CALN1: variants seen among roughly 807,000 people sequenced by gnomAD.
CALN1 encodes calneuron 1, also known as calcium-binding protein 8.
CALN1 carries 17 observed loss-of-function variants against 30.6 expected under a neutral mutation model. That is an observed-to-expected ratio of 0.56 (90% CI 0.38 to 0.83). The LOEUF (loss-of-function observed/expected upper bound fraction) is 0.83, where lower values mean the gene tolerates loss of function less well. Among genes scored for constraint, CALN1 ranks in the 40% least tolerant of loss-of-function variants. The pLI is 0.00. For missense variants in CALN1, 291 were observed against 354.9 expected (o/e 0.82, Z 1.45); for synonymous variants, 156 against 131.4 (o/e 1.19, Z -1.28).
chr7:72,499,893 CTT>C, the CALN1 span, among the ~76,000 whole-genome samples: 33 of 45,830 alleles, frequency 7.2e-4, no homozygotes, highest in Non-Finnish European at 1.0e-3. Context: ...TTCTTTCTTT[CTT>C]TCTTTCTTTC....
chr7:72,388,472 G>A (rs1379602512), intron 2 of CALN1, among the ~76,000 whole-genome samples: 1 of 152,062 alleles, frequency 6.6e-6, no homozygotes, highest in Admixed American at 6.6e-5. Flanking sequence ...TAAATCATGA[G>A]CCTTAATAAT....
intron 2 of CALN1, among the ~76,000 whole-genome samples, chr7:72,349,644 C>A (rs1200497633): frequency 6.6e-6 from 1 of 152,200 alleles, no homozygotes; most frequent in East Asian, 1.9e-4. Context: ...AACAAAAATA[C>A]TGAGAATTGT....
At chr7:71,998,384 A>T (rs772859904) in intron 5 of CALN1, among the ~76,000 whole-genome samples, 9 of 152,096 alleles carry the variant, frequency 5.9e-5, no homozygotes, top group Non-Finnish European at 1.0e-4. Context: ...TGTGTAAATT[A>T]TATTTAATGA....
chr7:72,374,374 C>G (rs1007331524), intron 2 of CALN1, among the ~76,000 whole-genome samples: 4 of 151,858 alleles, frequency 2.6e-5, no homozygotes, highest in Non-Finnish European at 5.9e-5. Context: ...ACTAAAAATA[C>G]AAAAGTTAAC....
chr7:72,104,735 G>A (rs1227673237), intron 4 of CALN1, among the ~76,000 whole-genome samples: 2 of 152,164 alleles, frequency 1.3e-5, no homozygotes, highest in African/African-American at 2.4e-5. Context: ...GAGGTGGGCA[G>A]ATCACGAGAT....
intron 5 of CALN1, among the ~76,000 whole-genome samples, chr7:71,959,679 T>C (rs947633031): frequency 3.4e-4 from 52 of 151,398 alleles, no homozygotes; most frequent in Non-Finnish European, 7.2e-4. Flanking sequence ...TCAGCAAAGG[T>C]GAGACACGAT....
chr7:71,937,356 G>A (rs1213039419), intron 5 of CALN1, among the ~76,000 whole-genome samples: 2 of 151,738 alleles, frequency 1.3e-5, no homozygotes, highest in Non-Finnish European at 2.9e-5. Context: ...ATTTATATGT[G>A]TGTATATATG....
chr7:71,794,092 T>A (rs537809546), intron 6 of CALN1, among the ~76,000 whole-genome samples: 2 of 152,190 alleles, frequency 1.3e-5, no homozygotes, highest in East Asian at 3.9e-4. Context: ...GCAGATACCA[T>A]GTGTGATGGG....
intron 2 of CALN1, among the ~76,000 whole-genome samples, chr7:72,368,153 GTGTGTATATATATA>G (rs1803986725): frequency 6.6e-6 from 1 of 150,542 alleles, no homozygotes; most frequent in African/African-American, 2.5e-5. Flanking sequence ...ATATCTATGT[GTGTGTATATATATA>G]TGTGTATATA....
At chr7:72,022,065 C>T (rs757398809) in intron 5 of CALN1, among the ~76,000 whole-genome samples, 8 of 152,162 alleles carry the variant, frequency 5.3e-5, no homozygotes, top group Admixed American at 1.3e-4. Flanking sequence ...CCATGCCAAC[C>T]CCTTTTCAAA....
chr7:72,008,425 AAAG>A (rs1221948934), intron 5 of CALN1, among the ~76,000 whole-genome samples: 1 of 151,822 alleles, frequency 6.6e-6, no homozygotes, highest in Non-Finnish European at 1.5e-5. Context: ...CATTAATAAA[AAAG>A]AAAACTAAAT....
At chr7:71,982,608 A>T (rs1455675009) in intron 5 of CALN1, among the ~76,000 whole-genome samples, 3 of 152,250 alleles carry the variant, frequency 2.0e-5, no homozygotes, top group African/African-American at 7.2e-5. Context: ...ACAAAACAGA[A>T]TAAAAAATAA....
intron 3 of CALN1, among the ~76,000 whole-genome samples, chr7:72,198,484 T>C (rs944663964): frequency 2.0e-5 from 3 of 152,190 alleles, no homozygotes; most frequent in African/African-American, 7.2e-5. Context: ...AGGATCACTT[T>C]GTCCTGACAT....
intron 1 of CALN1, among the ~76,000 whole-genome samples, chr7:72,429,324 T>C: frequency 6.6e-6 from 1 of 152,270 alleles, no homozygotes; most frequent in East Asian, 1.9e-4. Context: ...ACCTTATTGG[T>C]TTTGTTCCTT....
At chr7:72,335,576 A>C (rs1269941519) in intron 2 of CALN1, among the ~76,000 whole-genome samples, 3 of 147,100 alleles carry the variant, frequency 2.0e-5, no homozygotes, top group African/African-American at 8.2e-5. Flanking sequence ...CCTGAGCCCA[A>C]AAAAGTCTCC....
the CALN1 span, among the ~76,000 whole-genome samples, chr7:72,497,210 C>T: frequency 3.9e-5 from 6 of 152,222 alleles, no homozygotes; most frequent in East Asian, 3.9e-4. Flanking sequence ...GAGGCCAAAG[C>T]GGGTGGATCA....
chr7:72,490,421 C>T, the CALN1 span, among the ~76,000 whole-genome samples: 1 of 152,168 alleles, frequency 6.6e-6, no homozygotes, highest in African/African-American at 2.4e-5. Context: ...ATCTCCTCTG[C>T]CATTTACCCA....
chr7:72,226,926 A>G (rs1446494950), intron 3 of CALN1, among the ~76,000 whole-genome samples: 2 of 152,060 alleles, frequency 1.3e-5, no homozygotes, highest in Non-Finnish European at 2.9e-5. Context: ...AGTTCCAGCT[A>G]CCTGGGAGGT....
intron 2 of CALN1, among the ~76,000 whole-genome samples, chr7:72,322,770 G>A (rs369518468): frequency 1.1e-3 from 162 of 151,986 alleles, no homozygotes; most frequent in African/African-American, 3.8e-3. Context: ...GGTAACTATA[G>A]TCAAAAATAA....
Sources: gnomAD v4.1 joint callset for allele counts (sites outside exome capture counted in the v4.1 genomes callset) on GRCh38, gnomAD v4.1.1 for gene constraint, MANE v1.5 for transcripts, NCBI Gene and HGNC (gene_info 2026-07-23, HGNC 2026-07-21) for gene names.